PRKACB: variants seen among roughly 807,000 people sequenced by gnomAD.
The protein encoded by PRKACB is protein kinase cAMP-activated catalytic subunit beta.
In PRKACB, 16 loss-of-function variants were observed where a neutral mutation model predicts 51.4. The observed-to-expected ratio is 0.31, with a 90% CI of 0.21 to 0.47. PRKACB has a LOEUF of 0.47. PRKACB is among the 20% of genes least tolerant of loss of function. The probability of loss-of-function intolerance (pLI) is 1.00; values close to 1 mark genes in which losing one functional copy is unlikely to be tolerated. For missense variants in PRKACB, 309 were observed against 464.5 expected (o/e 0.67, Z 3.08); for synonymous variants, 147 against 154.4 (o/e 0.95, Z 0.35).
chr1:84,144,334 A>T lies in PRKACB; in HGVS notation c.-28A>T. 1 of 1,603,378 alleles carries T rather than the reference A, an allele frequency of 6.2e-7. No homozygotes were observed. The highest frequency in any genetic ancestry group is 8.5e-7 in the Non-Finnish European group (1 of 1,176,824). ...GCTCCTTCTGGAAACATTTGCAGTTACATTAAGTAAAGTGTAAATGCACAT... is the reference window on the plus strand; with the variant it reads ...GCTCCTTCTGGAAACATTTGCAGTTTCATTAAGTAAAGTGTAAATGCACAT... On this transcript the variant is annotated 5_prime_UTR_variant, in exon 1 of 10. Transcript: ENST00000370685.
At chr1:84,223,911 C>T (rs973148730) in intron 9 of PRKACB, among the ~76,000 whole-genome samples, 1 of 152,120 alleles carries the variant, frequency 6.6e-6, no homozygotes, top group Non-Finnish European at 1.5e-5. Context: ...TTCTTGTATA[C>T]TTACATTGAC....
intron 9 of PRKACB, among the ~76,000 whole-genome samples, chr1:84,223,208 A>T (rs914833916): frequency 1.3e-5 from 2 of 151,706 alleles, no homozygotes; most frequent in African/African-American, 2.4e-5. Context: ...ATTAATTTTT[A>T]TTTTTTATTC....
intron 8 of PRKACB, among the ~76,000 whole-genome samples, chr1:84,206,159 A>T (rs974331554): frequency 3.9e-5 from 6 of 152,216 alleles, no homozygotes; most frequent in Non-Finnish European, 8.8e-5. Flanking sequence ...TATGTAATTT[A>T]AAAAAATTCT....
At chr1:84,206,976 A>G (rs147064051) in intron 8 of PRKACB, among the ~76,000 whole-genome samples, 30 of 152,288 alleles carry the variant, frequency 2.0e-4, no homozygotes, top group Non-Finnish European at 2.5e-4. Context: ...CTAAGATACT[A>G]TTGTTAATGC....
intron 7 of PRKACB, among the ~76,000 whole-genome samples, chr1:84,202,044 A>G (rs562953972): frequency 9.5e-4 from 144 of 152,180 alleles, no homozygotes; most frequent in Middle Eastern, 3.4e-3. Context: ...TTTTTCCTGC[A>G]TATCTTTTAG....
chr1:84,194,492 C>G (rs753513960), intron 5 of PRKACB, among the ~76,000 whole-genome samples: 1 of 152,142 alleles, frequency 6.6e-6, no homozygotes, highest in Non-Finnish European at 1.5e-5. Context: ...CATTATAATT[C>G]TCTACTTAAA....
intron 1 of PRKACB, among the ~76,000 whole-genome samples, chr1:84,086,408 C>G (rs1647994112): frequency 6.6e-6 from 1 of 152,136 alleles, no homozygotes; most frequent in Non-Finnish European, 1.5e-5. Flanking sequence ...GATCCGGGGA[C>G]TGCCTTCTTC....
chr1:84,106,972 G>A (rs879392245), intron 1 of PRKACB, among the ~76,000 whole-genome samples: 3 of 151,568 alleles, frequency 2.0e-5, no homozygotes, highest in Non-Finnish European at 4.4e-5. Context: ...GGAGGGAGAG[G>A]TTCAGAAGAG....
intron 8 of PRKACB, among the ~76,000 whole-genome samples, chr1:84,212,300 A>G (rs1342604096): frequency 6.7e-6 from 1 of 148,722 alleles, no homozygotes; most frequent in African/African-American, 2.6e-5. Flanking sequence ...TTTGTCTCCC[A>G]GTTTATTCTG....
chr1:84,144,410 A>C lies in PRKACB; in HGVS notation c.49A>C (p.Thr17Pro), dbSNP rs1469899486. Residue 17 changes from threonine to proline, a missense_variant, in exon 1 of 10, where the codon ACA becomes CCA. Around this residue, in one of 3 missense-constraint regions of PRKACB, gnomAD observed 153 missense variants for 190.2 expected, o/e 0.80. Transcript: ENST00000370685. ...TTGTAACCAGTATACAGGTACAACT[A>C]CAGCTCTTCAGAAATTGGAAGGTTT... ...PPCNQYTGTT[T>P]ALQKLEGFAS... The C allele has an allele frequency of 6.2e-7, 1 of 1,613,414 alleles. No individual in the cohort carries two copies. The highest frequency in any genetic ancestry group is 1.7e-5 in the Admixed American group (1 of 59,912).
At chr1:84,214,660 T>C (rs1672632913) in intron 9 of PRKACB, among the ~76,000 whole-genome samples, 1 of 151,924 alleles carries the variant, frequency 6.6e-6, no homozygotes, top group Non-Finnish European at 1.5e-5. Context: ...ATCTGGATGA[T>C]TTTTTTGTAT....
intron 8 of PRKACB, among the ~76,000 whole-genome samples, chr1:84,205,763 GATCA>G (rs1384687370): frequency 6.6e-6 from 1 of 151,964 alleles, no homozygotes; most frequent in Non-Finnish European, 1.5e-5. Context: ...ACACAAAGAT[GATCA>G]ATCAACTTGT....
rs190145212 is a variant in PRKACB, at chr1:84,109,075, T to C, written c.46+30704T>C. On this transcript the variant is annotated intron_variant, in intron 1 of 8. Coordinates refer to the PRKACB transcript ENST00000370688. ...TGGGATTCATTCCTCTTGTTAGGTA[T>C]AGTTGGAAATTGTTCATTTTCTTTG... Among the ~76,000 whole-genome samples, 114 of 152,096 alleles carry C rather than the reference T, an allele frequency of 7.5e-4. 1 individual carries two copies. Among genetic ancestry groups the C allele is most frequent in the Non-Finnish European group, 1.4e-3 (95 of 67,862 alleles).
At chr1:84,158,570 A>G (rs1471944467) in intron 1 of PRKACB, among the ~76,000 whole-genome samples, 3 of 152,090 alleles carry the variant, frequency 2.0e-5, no homozygotes, top group African/African-American at 7.2e-5. Context: ...TTCTGAACTA[A>G]GTTCTTTTCC....
At chr1:84,225,765 G>A (rs778594728) in intron 9 of PRKACB, among the ~76,000 whole-genome samples, 29 of 152,186 alleles carry the variant, frequency 1.9e-4, no homozygotes, top group Admixed American at 5.2e-4. Context: ...TGGTGGAAAT[G>A]TGGACCACTG....
chr1:84,138,436 C>T (rs1327799068), intron 1 of PRKACB, among the ~76,000 whole-genome samples: 3 of 152,110 alleles, frequency 2.0e-5, no homozygotes, highest in Non-Finnish European at 4.4e-5. Flanking sequence ...TAGACCATTT[C>T]TTGAAAGATG....
chr1:84,229,070 A>G (rs1675134624), intron 9 of PRKACB, among the ~76,000 whole-genome samples: 1 of 129,412 alleles, frequency 7.7e-6, no homozygotes, highest in Non-Finnish European at 1.6e-5. Context: ...TCCCAATGCT[A>G]TCCCTCCCCC....
chr1:84,163,298 C>G (rs1375095776), intron 1 of PRKACB, among the ~76,000 whole-genome samples: 2 of 152,074 alleles, frequency 1.3e-5, no homozygotes, highest in African/African-American at 4.8e-5. Flanking sequence ...GGTGGGCAGA[C>G]TGGGTGGCCT....
intron 1 of PRKACB, among the ~76,000 whole-genome samples, chr1:84,135,971 A>G: frequency 6.6e-6 from 1 of 152,186 alleles, no homozygotes; most frequent in South Asian, 2.1e-4. Context: ...AAGTTATTTG[A>G]AAAAAATAAA....
Sources: allele counts gnomAD v4.1 joint callset (sites outside exome capture counted in the v4.1 genomes callset), GRCh38; gene constraint gnomAD v4.1.1; regional missense constraint gnomAD v4.1.1; transcripts MANE v1.5; gene names NCBI Gene and HGNC (gene_info 2026-07-23, HGNC 2026-07-21).